Variants in PRICKLE2 observed in about 807,000 individuals in gnomAD.
PRICKLE2 encodes prickle planar cell polarity protein 2, also known as prickle-like protein 2.
In PRICKLE2, 21 loss-of-function variants were observed where a neutral mutation model predicts 81.4. The ratio of observed to expected loss-of-function variants is 0.26; its 90% confidence interval spans 0.18 to 0.37. The LOEUF is 0.37. PRICKLE2 is among the 10% of genes least tolerant of loss of function. PRICKLE2 has a pLI of 1.00. For synonymous variants in PRICKLE2, 456 were observed against 421.5 expected (o/e 1.08, Z -1.00); for missense variants, 940 against 1,109.0 (o/e 0.85, Z 2.16).
chr3:64,150,245 C>T (rs959903331), intron 6 of PRICKLE2, among the ~76,000 whole-genome samples: 4 of 151,964 alleles, frequency 2.6e-5, no homozygotes, highest in Non-Finnish European at 5.9e-5. Flanking sequence ...AAGATGCTGA[C>T]GGCCATCTGC....
At chr3:64,265,548 A>C (rs1368306098) in intron 2 of PRICKLE2, among the ~76,000 whole-genome samples, 1 of 152,184 alleles carries the variant, frequency 6.6e-6, no homozygotes, top group African/African-American at 2.4e-5. Context: ...TGGTTTTCTA[A>C]ATTATTTTTA....
At chr3:64,132,281 A>T (rs2077207769) in intron 7 of PRICKLE2, among the ~76,000 whole-genome samples, 1 of 152,174 alleles carries the variant, frequency 6.6e-6, no homozygotes, top group Admixed American at 6.5e-5. Context: ...CTACATTATA[A>T]GCCATTCTCC....
chr3:64,244,742 T>C (rs1161746146), intron 2 of PRICKLE2, among the ~76,000 whole-genome samples: 1 of 152,082 alleles, frequency 6.6e-6, no homozygotes, highest in Non-Finnish European at 1.5e-5. Flanking sequence ...GACCTAGGCT[T>C]CATCTGGTCA....
At chr3:64,201,915 T>C (rs570288542) in intron 1 of PRICKLE2, among the ~76,000 whole-genome samples, 24 of 152,338 alleles carry the variant, frequency 1.6e-4, no homozygotes, top group African/African-American at 5.3e-4. Flanking sequence ...AATTTTTGTA[T>C]ATGGCACTAA....
chr3:64,119,015 A>C (rs992211772), intron 7 of PRICKLE2, among the ~76,000 whole-genome samples: 1 of 152,270 alleles, frequency 6.6e-6, no homozygotes, highest in Non-Finnish European at 1.5e-5. Flanking sequence ...TGTGGTACAT[A>C]TACACCATAG....
intron 2 of PRICKLE2, among the ~76,000 whole-genome samples, chr3:64,179,020 T>C (rs1217554763): frequency 7.3e-6 from 1 of 137,374 alleles, no homozygotes; most frequent in African/African-American, 2.8e-5. Flanking sequence ...TCTTTCTTTC[T>C]TTCTTTCTTT....
intron 7 of PRICKLE2, 153 bp from the exon 8 acceptor site, chr3:64,100,078 G>T: frequency 1.3e-6 from 1 of 759,464 alleles, no homozygotes; most frequent in Non-Finnish European, 2.2e-6. Context: ...GTGCCTGTGA[G>T]GGGGTTCTCT....
intron 2 of PRICKLE2, among the ~76,000 whole-genome samples, chr3:64,187,997 A>G (rs552851115): frequency 1.3e-5 from 2 of 152,334 alleles, no homozygotes; most frequent in Admixed American, 1.3e-4. Context: ...TTCCTTTAAC[A>G]ATCAGCCTTG....
chr3:64,111,783 G>A (rs1198681347), intron 7 of PRICKLE2, among the ~76,000 whole-genome samples: 1 of 152,142 alleles, frequency 6.6e-6, no homozygotes, highest in African/African-American at 2.4e-5. Context: ...CGGCTGGGAG[G>A]GGGCATGAGG....
chr3:64,126,526 G>C (rs1434967797), intron 7 of PRICKLE2, among the ~76,000 whole-genome samples: 1 of 152,196 alleles, frequency 6.6e-6, no homozygotes, highest in African/African-American at 2.4e-5. Flanking sequence ...GATGGTTAAA[G>C]GCTCTGGAGT....
At chr3:64,201,580 T>TC (rs2107120453) in intron 1 of PRICKLE2, among the ~76,000 whole-genome samples, 1 of 152,332 alleles carries the variant, frequency 6.6e-6, no homozygotes, top group African/African-American at 2.4e-5. Flanking sequence ...CCATTTTTTT[T>TC]CATTGGGTTG....
At chr3:64,258,845 A>AAGGAAAGAAAGAAAGAAAGAAAGAAAG (rs2079569796) in intron 2 of PRICKLE2, among the ~76,000 whole-genome samples, 2 of 34,008 alleles carry the variant, frequency 5.9e-5, no homozygotes, top group South Asian at 1.3e-3. Context: ...AAAAAAAAAA[A>AAGGAAAGAAAGAAAGAAAGAAAGAAAG]AAAGAAAGAA....
chr3:64,258,234 C>T (rs1053947468), intron 2 of PRICKLE2, among the ~76,000 whole-genome samples: 17 of 152,214 alleles, frequency 1.1e-4, no homozygotes, highest in African/African-American at 3.6e-4. Flanking sequence ...TGGATTTTGT[C>T]CCAGCAATGC....
intron 2 of PRICKLE2, among the ~76,000 whole-genome samples, chr3:64,251,349 G>A (rs901366427): frequency 6.6e-6 from 1 of 152,172 alleles, no homozygotes; most frequent in Non-Finnish European, 1.5e-5. Context: ...AATACCAGGA[G>A]CTGGCAGTTC....
chr3:64,141,668 T>A (rs1354396497), intron 7 of PRICKLE2: 2 of 286,114 alleles, frequency 7.0e-6, no homozygotes, highest in Admixed American at 6.5e-5. Context: ...GAGAAGGGAC[T>A]GTACACTCCC....
rs1488410613 is a variant in PRICKLE2, at chr3:64,119,621, A to C, written c.1661-19696T>G. Among the ~76,000 whole-genome samples, 8 of 152,306 alleles carry C rather than the reference A, an allele frequency of 5.3e-5. No individual in the cohort carries two copies. In the East Asian group the frequency reaches 1.5e-3, roughly 29 times the overall value. Reference sequence around the variant, plus strand: ...TGTACGATTGGTGCAAATGTAAGTGAGTTCAGCCACTGTGAAAAGCAGCTT... The same window carrying C: ...TGTACGATTGGTGCAAATGTAAGTGCGTTCAGCCACTGTGAAAAGCAGCTT... On this transcript the variant is annotated intron_variant, in intron 7 of 7. Coordinates refer to ENST00000638394, the MANE Select transcript of PRICKLE2 (RefSeq NM_198859.4).
At chr3:64,129,293 G>A (rs972072464) in intron 7 of PRICKLE2, among the ~76,000 whole-genome samples, 5 of 152,088 alleles carry the variant, frequency 3.3e-5, no homozygotes, top group Admixed American at 6.6e-5. Flanking sequence ...TCTATAAAAC[G>A]GAGATGACAT....
chr3:64,258,535 C>T (rs997538509), intron 2 of PRICKLE2, among the ~76,000 whole-genome samples: 7 of 151,972 alleles, frequency 4.6e-5, no homozygotes, highest in South Asian at 2.1e-4. Context: ...TGTTAGAAAT[C>T]GGAGGCTGGG....
At chr3:64,126,461 C>A (rs998049332) in intron 7 of PRICKLE2, among the ~76,000 whole-genome samples, 3 of 152,250 alleles carry the variant, frequency 2.0e-5, no homozygotes, top group Non-Finnish European at 2.9e-5. Context: ...AAAGGATCCA[C>A]TGCCTCTGCA....
Sources: allele counts gnomAD v4.1 joint callset (sites outside exome capture counted in the v4.1 genomes callset), GRCh38; gene constraint gnomAD v4.1.1; transcripts MANE v1.5; gene names NCBI Gene and HGNC (gene_info 2026-07-23, HGNC 2026-07-21).